Variants in ANO2 observed in about 807,000 individuals in gnomAD.
The protein encoded by ANO2 is anoctamin-2.
A neutral mutation model predicts 124.2 loss-of-function variants in ANO2; 101 were observed. The observed-to-expected ratio is 0.81, with a 90% CI of 0.69 to 0.96. The LOEUF is 0.96. Ranked by LOEUF, ANO2 falls within the 40% of genes least tolerant of loss-of-function variation. ANO2 has a pLI of 0.00. For synonymous variants in ANO2, 486 were observed against 482.5 expected (o/e 1.01, Z -0.09); for missense variants, 1,293 against 1,274.5 (o/e 1.01, Z -0.22).
rs2136911570 is a variant in ANO2, at chr12:5,616,406, C to T, written c.1817-1109G>A. On this transcript the variant is annotated intron_variant, in intron 16 of 24. Coordinates refer to ENST00000682330, the MANE Select transcript of ANO2 (RefSeq NM_001364791.2). ...TGTATGTGTGCTCTGCCCTCATGGC[C>T]TCATCACCTCCCATACACCACACCT... is the stretch of plus-strand genomic sequence containing the variant. 2.0e-5 allele frequency among the ~76,000 whole-genome samples: 3 copies of T among 152,318 alleles called. No homozygotes were observed. The Middle Eastern group carries it at 0.01, about 518-fold the overall frequency.
In ANO2 at chr12:5,908,188, C is replaced by A. The variant is rs1057296323; in HGVS notation, c.534+12852G>T. On this transcript the variant is annotated intron_variant, in intron 3 of 24. Transcript: ENST00000682330. The surrounding 1 kb of genome is among the most constrained non-coding windows in gnomAD (Gnocchi z 4.7). ...AAAAGCACACCCATCAAATTCCACTCCTTCTGTTTCCTGTTCCTGAAAAGC... is the reference window on the plus strand; with the variant it reads ...AAAAGCACACCCATCAAATTCCACTACTTCTGTTTCCTGTTCCTGAAAAGC... Among the ~76,000 whole-genome samples the A allele has an allele frequency of 6.6e-6, 1 of 152,222 alleles. No homozygotes were observed. The highest frequency in any genetic ancestry group is 1.5e-5 in the Non-Finnish European group (1 of 68,038).
At chr12:5,597,645 A>G (rs1242432565) in intron 20 of ANO2, among the ~76,000 whole-genome samples, 2 of 152,200 alleles carry the variant, frequency 1.3e-5, no homozygotes, top group African/African-American at 2.4e-5. Context: ...TGAAACCCAC[A>G]CAGCTAATTG....
At chr12:5,739,465 G>T in intron 12 of ANO2, 66 bp from the exon 13 acceptor site, 1 of 1,357,732 alleles carries the variant, frequency 7.4e-7, no homozygotes, top group Non-Finnish European at 1.0e-6. Flanking sequence ...TACCCTTTGG[G>T]CTCACCAGTG....
intron 10 of ANO2, among the ~76,000 whole-genome samples, chr12:5,794,710 T>C (rs1344989890): frequency 6.6e-6 from 1 of 152,190 alleles, no homozygotes; most frequent in Non-Finnish European, 1.5e-5. Flanking sequence ...ACATAACTCC[T>C]AGATCTTAAA....
intron 23 of ANO2, among the ~76,000 whole-genome samples, chr12:5,566,105 A>C (rs1037706625): frequency 6.6e-6 from 1 of 152,154 alleles, no homozygotes; most frequent in Non-Finnish European, 1.5e-5. Flanking sequence ...ACCAGCAGGC[A>C]GTCTTGGGCT....
At chr12:5,756,511 C>A (rs759265548) in intron 10 of ANO2, among the ~76,000 whole-genome samples, 2 of 152,226 alleles carry the variant, frequency 1.3e-5, no homozygotes, top group Non-Finnish European at 2.9e-5. Context: ...CAGGCAAAGA[C>A]CTTCATCAGT....
At chr12:5,865,566 C>T (rs559105996) in intron 3 of ANO2, among the ~76,000 whole-genome samples, 2 of 150,946 alleles carry the variant, frequency 1.3e-5, no homozygotes, top group South Asian at 2.1e-4. Context: ...AGAATTCACA[C>T]CATCATGCAT....
intron 3 of ANO2, among the ~76,000 whole-genome samples, chr12:5,890,941 T>C (rs1291999955): frequency 1.3e-5 from 2 of 152,330 alleles, no homozygotes; most frequent in South Asian, 2.1e-4. Context: ...ACAGCTCATA[T>C]AGAACTTGAA....
At chr12:5,945,409 C>T (rs1029444084), upstream of ANO2, 1 of 498,470 alleles carries the variant, frequency 2.0e-6, no homozygotes, top group Non-Finnish European at 2.6e-6. Context: ...CCGCTGCGCC[C>T]TGGGCGCCCG....
At position 5,588,565 on chromosome 12, in the gene ANO2, C is replaced by T. The variant is rs762958671; in HGVS notation, c.2234-10047G>A. Among the ~76,000 whole-genome samples, 34 of 152,180 alleles carry T rather than the reference C, an allele frequency of 2.2e-4. 1 individual carries two copies. The highest frequency in any genetic ancestry group is 3.7e-4 in the Non-Finnish European group (25 of 68,032). ...GAACCATCATGTCATCACTGGAAGGCGCCCTGAAGGTCAGCTGGTCTCATG... is the reference window on the plus strand; with the variant it reads ...GAACCATCATGTCATCACTGGAAGGTGCCCTGAAGGTCAGCTGGTCTCATG... On this transcript the variant is annotated intron_variant, in intron 20 of 24. Coordinates refer to ENST00000682330, the MANE Select transcript of ANO2 (RefSeq NM_001364791.2).
chr12:5,853,956 C>A, intron 4 of ANO2, 87 bp downstream of exon 4: 1 of 828,944 alleles, frequency 1.2e-6, no homozygotes, highest in South Asian at 1.9e-5. Context: ...TTCCACAAAA[C>A]CCACATCCCA....
chr12:5,746,130 G>A (rs1453062512), intron 11 of ANO2, among the ~76,000 whole-genome samples: 1 of 152,198 alleles, frequency 6.6e-6, no homozygotes, highest in East Asian at 1.9e-4. Context: ...CATGGACTGA[G>A]GAGAGACAGA....
intron 16 of ANO2, among the ~76,000 whole-genome samples, chr12:5,624,482 G>A (rs1945296588): frequency 6.6e-6 from 1 of 152,056 alleles, no homozygotes; most frequent in African/African-American, 2.4e-5. Flanking sequence ...AACACCCCTG[G>A]GTCATCTGGC....
At chr12:5,797,922 C>T (rs986357664) in intron 10 of ANO2, among the ~76,000 whole-genome samples, 1 of 152,222 alleles carries the variant, frequency 6.6e-6, no homozygotes, top group Non-Finnish European at 1.5e-5. Flanking sequence ...GCAATACTTC[C>T]CCTGCAGGTG....
intron 23 of ANO2, among the ~76,000 whole-genome samples, chr12:5,566,340 G>T (rs564005759): frequency 6.6e-6 from 1 of 152,164 alleles, no homozygotes; most frequent in Non-Finnish European, 1.5e-5. Context: ...AATGCCTGAC[G>T]TGATTTCATG....
At chr12:5,747,294 A>T (rs1951296594) in intron 11 of ANO2, among the ~76,000 whole-genome samples, 1 of 152,234 alleles carries the variant, frequency 6.6e-6, no homozygotes, top group South Asian at 2.1e-4. Context: ...TAAGTTTTTA[A>T]TCACAGTTAT....
chr12:5,689,943 A>G (rs1440287215), intron 14 of ANO2, among the ~76,000 whole-genome samples: 1 of 152,246 alleles, frequency 6.6e-6, no homozygotes, highest in African/African-American at 2.4e-5. Context: ...GACATAAGAC[A>G]AACTCCTATA....
At position 5,658,769 on chromosome 12, in the gene ANO2, T is replaced by G. The variant is rs1253319114; in HGVS notation, c.1546-10968A>C. On this transcript the variant is annotated intron_variant, in intron 14 of 24. Coordinates refer to ENST00000682330, the MANE Select transcript of ANO2 (RefSeq NM_001364791.2). This position sits in a 1 kb window ranked among gnomAD's most constrained non-coding sequence, Gnocchi z 4.3. ...CATCATTATCATCATTAAATCATCA[T>G]CAGCATCAATATTATCATTGTCATC... Among the ~76,000 whole-genome samples, 3 of 152,002 alleles carry G rather than the reference T, an allele frequency of 2.0e-5. No individual in the cohort carries two copies. The highest frequency in any genetic ancestry group is 4.3e-4 in the South Asian group (2 of 4,692).
chr12:5,625,848 G>T (rs772291777), intron 16 of ANO2, among the ~76,000 whole-genome samples: 68 of 152,182 alleles, frequency 4.5e-4, no homozygotes, highest in Non-Finnish European at 6.3e-4. Flanking sequence ...TGGGCTGGAA[G>T]TCAGAAGACC....
Sources: allele counts gnomAD v4.1 joint callset (sites outside exome capture counted in the v4.1 genomes callset), GRCh38; gene constraint gnomAD v4.1.1; non-coding constraint Gnocchi (gnomAD v3.1); transcripts MANE v1.5; gene names NCBI Gene and HGNC (gene_info 2026-07-23, HGNC 2026-07-21).